CD81: variants seen among roughly 807,000 people sequenced by gnomAD.
CD81 encodes the protein CD81 antigen.
In CD81, 10 loss-of-function variants were observed where a neutral mutation model predicts 30.1. The ratio of observed to expected loss-of-function variants is 0.33; its 90% CI spans 0.21 to 0.56. The LOEUF is 0.56. CD81 is among the 20% of genes least tolerant of loss of function. CD81 has a pLI of 0.89. For missense variants in CD81, 263 were observed against 308.7 expected (o/e 0.85, Z 1.11); for synonymous variants, 147 against 126.4 (o/e 1.16, Z -1.10).
intron 5 of CD81, 174 bp downstream of exon 5, chr11:2,395,694 G>A: frequency 2.7e-6 from 2 of 747,264 alleles, no homozygotes; most frequent in Non-Finnish European, 4.6e-6. Flanking sequence ...GGGCCAGGGT[G>A]GCCCAGGGTG....
chr11:2,396,020 T>TAGGACCCCACCCAG, intron 6 of CD81, 50 bp downstream of exon 6: 6 of 1,174,074 alleles, frequency 5.1e-6, no homozygotes, highest in Non-Finnish European at 7.3e-6. Context: ...GTCCCGCCCC[T>TAGGACCCCACCCAG]GGGTGGGGTC....
chr11:2,382,217 A>AC (rs1167806525), intron 1 of CD81, among the ~76,000 whole-genome samples: 1 of 151,936 alleles, frequency 6.6e-6, no homozygotes, highest in Non-Finnish European at 1.5e-5. Flanking sequence ...TCTGCCCCCC[A>AC]CCCCCACCCC....
At chr11:2,395,195 T>A (rs2133464461) in intron 4 of CD81, 149 bp downstream of exon 4, 2 of 758,326 alleles carry the variant, frequency 2.6e-6, no homozygotes, top group African/African-American at 3.4e-5. Context: ...TCCAGGGGCT[T>A]TATGGAGGAG....
chr11:2,395,567 G>T (rs771842206), intron 5 of CD81, 47 bp downstream of exon 5: 2 of 1,450,656 alleles, frequency 1.4e-6, no homozygotes, highest in Admixed American at 1.7e-5. Context: ...CCGGGAACCC[G>T]GCGGGGTGTG....
At position 2,395,951 on chromosome 11, in the gene CD81, T is replaced by C; in HGVS notation, c.542T>C (p.Ile181Thr). The C allele has an allele frequency of 6.2e-7, 1 of 1,611,304 alleles. No homozygotes were observed. Among genetic ancestry groups the C allele is most frequent in the Non-Finnish European group, 8.5e-7 (1 of 1,178,752 alleles). Reference sequence around the variant, plus strand: ...AATTTGTGTCCCTCGGGCAGCAACATCATCAGCAACCTCTTCAAGGTGCGC... The same window carrying C: ...AATTTGTGTCCCTCGGGCAGCAACACCATCAGCAACCTCTTCAAGGTGCGC... ...KNNLCPSGSNIISNLFKEDCH... is the reference protein window; with the variant it reads ...KNNLCPSGSNTISNLFKEDCH... The change falls in exon 6 of 8, where the codon ATC becomes ACC. Residue 181 changes from isoleucine (I) to threonine (T), a missense_variant. Physicochemically the swap from Ile to Thr is moderately conservative, Grantham distance 89. Transcript: ENST00000263645.
intron 7 of CD81, 44 bp from the exon 8 acceptor site, chr11:2,396,760 C>T (rs773369922): frequency 2.0e-5 from 33 of 1,611,690 alleles, no homozygotes; most frequent in South Asian, 4.4e-5. Context: ...CTGCCCCTTC[C>T]GCGGGGCCTT....
At position 2,377,568 on chromosome 11, in the gene CD81, A is replaced by C; in HGVS notation, c.19A>C (p.Thr7Pro). 2.0e-6 allele frequency: 3 copies of C among 1,513,116 alleles called. No homozygotes were observed. The South Asian group carries it at 3.6e-5, about 18-fold the overall frequency. 93.7% of individuals were successfully genotyped at this position (1,513,116 alleles called of 1,614,324 possible). A position where few individuals can be genotyped will look rare whatever the true frequency, so the allele number is the denominator to read the frequency against. MGVEGCTKCIKYLLFVF... is the reference protein window; with the variant it reads MGVEGCPKCIKYLLFVF... ...CGCCGCCATGGGAGTGGAGGGCTGC[A>C]CCAAGTGCATCAAGTACCTGCTCTT... The change falls in exon 1 of 8, where the codon ACC (threonine) becomes CCC (proline). Residue 7 changes from threonine (T) to proline (P), a missense_variant. This residue lies in a region of CD81 where 84 missense variants were observed against 98.2 expected (regional missense o/e 0.86). Transcript: ENST00000263645. The surrounding 1 kb of genome is among the most constrained non-coding windows in gnomAD (Gnocchi z 7.7).
intron 6 of CD81, 62 bp from the exon 7 acceptor site, chr11:2,396,566 A>G (rs1195815158): frequency 7.3e-7 from 1 of 1,370,166 alleles, no homozygotes; most frequent in Non-Finnish European, 1.0e-6. Flanking sequence ...TTACTGCGTG[A>G]CAACGGGAAG....
chr11:2,380,584 A>C (rs1849688686), intron 1 of CD81, among the ~76,000 whole-genome samples: 1 of 152,114 alleles, frequency 6.6e-6, no homozygotes, highest in African/African-American at 2.4e-5. Context: ...CGGCGGGCCC[A>C]AGCAGGGAGG....
intron 1 of CD81, among the ~76,000 whole-genome samples, chr11:2,383,899 T>C (rs1037413632): frequency 6.6e-6 from 1 of 152,092 alleles, no homozygotes; most frequent in Non-Finnish European, 1.5e-5. Flanking sequence ...TGGGGGTGTG[T>C]GTGCTGGCCT....
upstream of CD81, chr11:2,376,194 A>G (rs1208379373): frequency 6.6e-6 from 1 of 151,770 alleles, no homozygotes; most frequent in African/African-American, 2.4e-5. Flanking sequence ...CCTTGTGGCC[A>G]CATTTCCAGT....
Position 2,397,049 on chromosome 11 carries a change from T to C in CD81, c.*183T>C. 1.5e-6 allele frequency: 1 copy of C among 662,194 alleles called. No homozygotes were observed. The highest frequency in any genetic ancestry group is 2.7e-6 in the Non-Finnish European group (1 of 372,008). The allele number at this position is 662,194 out of a possible 1,614,324, so 41.0% of individuals were successfully genotyped here. A position where few individuals can be genotyped will look rare whatever the true frequency, so the allele number is the denominator to read the frequency against. On this transcript the variant is annotated 3_prime_UTR_variant, in exon 8 of 8. Transcript: ENST00000263645. ...TCCTGTTACCTTTTCAGGGCTGACGTCACATGTAGGTGGCGTGTATGAGTG... is the reference window on the plus strand; with the variant it reads ...TCCTGTTACCTTTTCAGGGCTGACGCCACATGTAGGTGGCGTGTATGAGTG...
chr11:2,386,378 G>A (rs1180975826), intron 1 of CD81: 1 of 632,228 alleles, frequency 1.6e-6, no homozygotes, highest in Admixed American at 2.3e-5. Flanking sequence ...GGAACCTCTA[G>A]CCCTGCCACA....
chr11:2,380,820 A>C (rs1280375092), intron 1 of CD81, among the ~76,000 whole-genome samples: 1 of 152,192 alleles, frequency 6.6e-6, no homozygotes, highest in Non-Finnish European at 1.5e-5. Context: ...AGTCCAGAAG[A>C]GGTGTCACCA....
chr11:2,380,837 G>A (rs1026745676), intron 1 of CD81, among the ~76,000 whole-genome samples: 1 of 152,236 alleles, frequency 6.6e-6, no homozygotes, highest in Non-Finnish European at 1.5e-5. Context: ...ACCAGTCCCC[G>A]CAGGGAGAAG....
chr11:2,381,504 G>GAGAC (rs1849704176), intron 1 of CD81, among the ~76,000 whole-genome samples: 2 of 152,246 alleles, frequency 1.3e-5, no homozygotes, highest in South Asian at 4.1e-4. Context: ...CCCAGACAAG[G>GAGAC]AGACAGACCC....
intron 1 of CD81, chr11:2,379,117 G>A (rs573512792): frequency 1.7e-4 from 79 of 455,160 alleles, no homozygotes; most frequent in Non-Finnish European, 2.8e-4. Context: ...CCGTTGCTTA[G>A]TGGTGGCCTG....
intron 1 of CD81, chr11:2,385,835 TG>T: frequency 1.7e-6 from 1 of 605,536 alleles, no homozygotes; most frequent in Non-Finnish European, 3.0e-6. Context: ...TGTTTCAGTT[TG>T]GGGCATTTAC....
In CD81 at chr11:2,377,519, GC is replaced by G; in HGVS notation, c.-27del. The G allele has an allele frequency of 7.9e-7, 1 of 1,259,432 alleles. No individual in the cohort carries two copies. Among genetic ancestry groups the G allele is most frequent in the Non-Finnish European group, 1.0e-6 (1 of 968,496 alleles). The allele number at this position is 1,259,432 out of a possible 1,614,324, so 78.0% of individuals were successfully genotyped here. A position where few individuals can be genotyped will look rare whatever the true frequency, so the allele number is the denominator to read the frequency against. ...CGCCCGCCGCCCAGGACCGGCCCGC[GC>G]CCCGCAGGCCGCCCGCCGCCCGCGC... On this transcript the variant is annotated 5_prime_UTR_variant, in exon 1 of 8. Coordinates refer to ENST00000263645, the MANE Select transcript of CD81 (RefSeq NM_004356.4). The surrounding 1 kb of genome is among the most constrained non-coding windows in gnomAD (Gnocchi z 7.7).
Sources: gnomAD v4.1 joint callset for allele counts (sites outside exome capture counted in the v4.1 genomes callset) on GRCh38, gnomAD v4.1.1 for gene constraint, gnomAD v4.1.1 regional missense constraint, Gnocchi (gnomAD v3.1) non-coding constraint, MANE v1.5 for transcripts, NCBI Gene and HGNC (gene_info 2026-07-23, HGNC 2026-07-21) for gene names.